Variants in NFIL3 observed in about 807,000 individuals in gnomAD.
The protein encoded by NFIL3 is nuclear factor, interleukin 3 regulated.
Under a neutral mutation model 10.0 loss-of-function variants are expected in NFIL3, and 5 were observed. The observed-to-expected ratio is 0.50, with a 90% confidence interval of 0.26 to 1.06. NFIL3 has a LOEUF of 1.06. NFIL3 is among the 50% of genes least tolerant of loss of function. The probability of loss-of-function intolerance (pLI) is 0.13; values close to 1 mark genes in which losing one functional copy is unlikely to be tolerated. For missense variants in NFIL3, 436 were observed against 547.6 expected (o/e 0.80, Z 2.03); for synonymous variants, 202 against 206.5 (o/e 0.98, Z 0.19).
the NFIL3 span, among the ~76,000 whole-genome samples, chr9:91,439,323 G>T: frequency 6.6e-6 from 1 of 152,146 alleles, no homozygotes; most frequent in Non-Finnish European, 1.5e-5. Context: ...ATTATTCTGT[G>T]AGTAAAAACA....
the NFIL3 span, among the ~76,000 whole-genome samples, chr9:91,434,620 A>C: frequency 1.3e-5 from 2 of 152,206 alleles, no homozygotes; most frequent in South Asian, 4.1e-4. Context: ...TTAAAATTAA[A>C]AGACAAAAAA....
rs1388600424 is a variant in NFIL3, at chr9:91,410,101, C to T, written c.634G>A (p.Glu212Lys). The T allele has an allele frequency of 6.2e-7, 1 of 1,613,976 alleles. No individual in the cohort carries two copies. Among genetic ancestry groups the T allele is most frequent in the Admixed American group, 1.7e-5 (1 of 60,010 alleles). ...TGCTTGATAATCTGGAACTTGTTTT[C>T]AGGACTTCTGCAGCTTCCCTGCACA... Reference protein sequence around the residue: ...SSVQGSCRSPENKFQIIKQEP... With the variant: ...SSVQGSCRSPKNKFQIIKQEP... Residue 212 changes from glutamate to lysine, a missense_variant, in exon 2 of 2, where the codon GAA (glutamate) becomes AAA (lysine). Transcript: ENST00000297689. This position sits in a 1 kb window ranked among gnomAD's most constrained non-coding sequence, Gnocchi z 5.7.
At chr9:91,454,972 G>T in the NFIL3 span, among the ~76,000 whole-genome samples, 3 of 152,248 alleles carry the variant, frequency 2.0e-5, no homozygotes, top group Non-Finnish European at 4.4e-5. Flanking sequence ...TACAGTAATT[G>T]CTAGGGACAT....
chr9:91,471,841 C>T, the NFIL3 span, among the ~76,000 whole-genome samples: 2 of 152,094 alleles, frequency 1.3e-5, no homozygotes, highest in Admixed American at 1.3e-4. Flanking sequence ...GTGGCTGGTA[C>T]CAGTTGTTCC....
At chr9:91,445,691 G>T in the NFIL3 span, among the ~76,000 whole-genome samples, 1 of 152,118 alleles carries the variant, frequency 6.6e-6, no homozygotes, top group Non-Finnish European at 1.5e-5. Flanking sequence ...GAAGCTTAGG[G>T]TCCATAGAAA....
At chr9:91,443,093 A>G in the NFIL3 span, among the ~76,000 whole-genome samples, 21,338 of 152,070 alleles carry the variant, frequency 0.14, 1,650 homozygotes, top group East Asian at 0.34. Flanking sequence ...ATGCACATGA[A>G]TATCTAGCTC....
chr9:91,437,730 A>T, the NFIL3 span, among the ~76,000 whole-genome samples: 1 of 152,286 alleles, frequency 6.6e-6, no homozygotes, highest in Admixed American at 6.5e-5. Context: ...ATGACTCTTT[A>T]AAAAATTCCA....
chr9:91,475,919 T>C, the NFIL3 span, among the ~76,000 whole-genome samples: 18 of 152,198 alleles, frequency 1.2e-4, no homozygotes, highest in African/African-American at 1.7e-4. Context: ...TGAATGATAG[T>C]TAACTGATTG....
chr9:91,475,649 T>G, the NFIL3 span, among the ~76,000 whole-genome samples: 1 of 152,132 alleles, frequency 6.6e-6, no homozygotes, highest in Non-Finnish European at 1.5e-5. Flanking sequence ...AATGAATATA[T>G]TTGAAACCAA....
the NFIL3 span, among the ~76,000 whole-genome samples, chr9:91,431,998 TC>T: frequency 0.013 from 2,012 of 152,254 alleles, 48 homozygotes; most frequent in East Asian, 0.077. Flanking sequence ...CTTCCTGGGT[TC>T]CCAATGCTTT....
intron 1 of NFIL3, among the ~76,000 whole-genome samples, chr9:91,418,798 A>T (rs550209079): frequency 1.3e-5 from 2 of 152,204 alleles, no homozygotes; most frequent in African/African-American, 4.8e-5. Flanking sequence ...AAACTTTCTT[A>T]TCATAAAAAC....
At chr9:91,440,508 T>C in the NFIL3 span, among the ~76,000 whole-genome samples, 2 of 152,124 alleles carry the variant, frequency 1.3e-5, no homozygotes, top group African/African-American at 4.8e-5. Context: ...TTCATTTATT[T>C]CTATTCTGAT....
chr9:91,421,208 G>C (rs1184997236), intron 1 of NFIL3, among the ~76,000 whole-genome samples: 1 of 151,036 alleles, frequency 6.6e-6, no homozygotes, highest in Non-Finnish European at 1.5e-5. Context: ...CGGGTCGCCC[G>C]CGCTGCCCCT....
intron 1 of NFIL3, among the ~76,000 whole-genome samples, chr9:91,421,687 C>T (rs943888896): frequency 3.9e-5 from 6 of 152,290 alleles, no homozygotes; most frequent in Admixed American, 3.9e-4. Flanking sequence ...GCCTGGGACT[C>T]CCACCCGAGC....
chr9:91,421,331 G>C (rs898271660), intron 1 of NFIL3, among the ~76,000 whole-genome samples: 1 of 151,842 alleles, frequency 6.6e-6, no homozygotes, highest in African/African-American at 2.4e-5. Context: ...CTAGCGCCCG[G>C]GCTCCACGGG....
At chr9:91,454,116 C>G in the NFIL3 span, among the ~76,000 whole-genome samples, 1 of 151,726 alleles carries the variant, frequency 6.6e-6, no homozygotes, top group Non-Finnish European at 1.5e-5. Context: ...TGCCTGTAGT[C>G]CCAGCTACTC....
the NFIL3 span, among the ~76,000 whole-genome samples, chr9:91,477,686 C>T: frequency 3.9e-5 from 6 of 152,280 alleles, no homozygotes; most frequent in South Asian, 4.1e-4. Context: ...AAACTAAAAA[C>T]AGCCAGAGAT....
At chr9:91,459,983 G>A in the NFIL3 span, among the ~76,000 whole-genome samples, 1 of 152,094 alleles carries the variant, frequency 6.6e-6, no homozygotes, top group African/African-American at 2.4e-5. Flanking sequence ...TATTGATGAG[G>A]ATGGTGGAGA....
chr9:91,469,438 G>A, the NFIL3 span, among the ~76,000 whole-genome samples: 22 of 152,118 alleles, frequency 1.4e-4, no homozygotes, highest in Non-Finnish European at 2.1e-4. Context: ...GGGCTGAGAC[G>A]ATGGGGCTTT....
Sources: allele counts gnomAD v4.1 joint callset (sites outside exome capture counted in the v4.1 genomes callset), GRCh38; gene constraint gnomAD v4.1.1; non-coding constraint Gnocchi (gnomAD v3.1); transcripts MANE v1.5; gene names NCBI Gene and HGNC (gene_info 2026-07-23, HGNC 2026-07-21).